The following ROBO1 variants were observed in gnomAD, a reference collection of about 807,000 sequenced individuals.
ROBO1 encodes the protein roundabout homolog 1.
Under a neutral mutation model 195.9 loss-of-function variants are expected in ROBO1, and 149 were observed. The observed-to-expected ratio is 0.76, with a 90% confidence interval of 0.67 to 0.87. The LOEUF (loss-of-function observed/expected upper bound fraction) is 0.87. Among genes scored for constraint, ROBO1 ranks in the 40% least tolerant of loss-of-function variants. The pLI is 0.00. For synonymous variants in ROBO1, 816 were observed against 733.2 expected, an observed-to-expected ratio of 1.11 and a Z score of -1.82; for missense variants, 1,933 against 2,068.3, an observed-to-expected ratio of 0.93 and a Z score of 1.27.
intron 4 of ROBO1, among the ~76,000 whole-genome samples, chr3:78,915,927 G>C (rs995568938): frequency 2.0e-5 from 3 of 152,140 alleles, no homozygotes; most frequent in African/African-American, 4.8e-5. Flanking sequence ...CAAAGTGCAA[G>C]TGCGAGAGCC....
chr3:78,731,064 T>C (rs1467787544), intron 5 of ROBO1, among the ~76,000 whole-genome samples: 2 of 152,146 alleles, frequency 1.3e-5, no homozygotes, highest in African/African-American at 2.4e-5. Context: ...TCTATTTCTA[T>C]AGTTATTGGT....
chr3:78,840,582 T>C (rs1425933126), intron 4 of ROBO1, among the ~76,000 whole-genome samples: 1 of 152,138 alleles, frequency 6.6e-6, no homozygotes, highest in Non-Finnish European at 1.5e-5. Flanking sequence ...CTAATAATCG[T>C]GCAAGGTTAC....
At chr3:79,712,435 G>A (rs1484535576) in intron 1 of ROBO1, among the ~76,000 whole-genome samples, 1 of 152,092 alleles carries the variant, frequency 6.6e-6, no homozygotes, top group Non-Finnish European at 1.5e-5. Flanking sequence ...CTAGAGCAAG[G>A]CTCTAACTCT....
intron 4 of ROBO1, among the ~76,000 whole-genome samples, chr3:78,824,745 G>T (rs550946528): frequency 2.6e-5 from 4 of 152,160 alleles, no homozygotes; most frequent in African/African-American, 9.6e-5. Context: ...TCATATTTTT[G>T]TAAGGATTGG....
intron 3 of ROBO1, among the ~76,000 whole-genome samples, chr3:79,106,910 T>C (rs2079791778): frequency 6.6e-6 from 1 of 151,698 alleles, no homozygotes; most frequent in Non-Finnish European, 1.5e-5. Flanking sequence ...TATTCCTCCC[T>C]ACTTATGTAT....
chr3:79,741,776 G>C (rs1703660127), intron 1 of ROBO1, among the ~76,000 whole-genome samples: 1 of 152,176 alleles, frequency 6.6e-6, no homozygotes, highest in African/African-American at 2.4e-5. Flanking sequence ...TGTGACAAAA[G>C]TGCTGATAGT....
intron 2 of ROBO1, among the ~76,000 whole-genome samples, chr3:79,570,700 A>C (rs1943250550): frequency 6.6e-6 from 1 of 152,192 alleles, no homozygotes; most frequent in African/African-American, 2.4e-5. Flanking sequence ...TCAGAAAAAC[A>C]ATCGTGCTGT....
intron 2 of ROBO1, among the ~76,000 whole-genome samples, chr3:79,567,507 T>C (rs1246902380): frequency 6.6e-6 from 1 of 152,190 alleles, no homozygotes; most frequent in Non-Finnish European, 1.5e-5. Context: ...ATTTTTGTTG[T>C]CTATTTGTGC....
intron 4 of ROBO1, among the ~76,000 whole-genome samples, chr3:78,782,963 T>C (rs1396668531): frequency 6.6e-6 from 1 of 152,218 alleles, no homozygotes; most frequent in African/African-American, 2.4e-5. Flanking sequence ...GTTATTGATT[T>C]CTATGTGCTG....
chr3:78,876,757 G>C (rs1215269787), intron 4 of ROBO1, among the ~76,000 whole-genome samples: 1 of 152,142 alleles, frequency 6.6e-6, no homozygotes, highest in Non-Finnish European at 1.5e-5. Context: ...ATACATCCTG[G>C]GAAAACTCTG....
intron 1 of ROBO1, among the ~76,000 whole-genome samples, chr3:79,593,562 G>A (rs1944070180): frequency 6.6e-6 from 1 of 151,654 alleles, no homozygotes; most frequent in African/African-American, 2.4e-5. Flanking sequence ...CTTTGGTGAG[G>A]TATTTGTTAA....
intron 3 of ROBO1, chr3:79,019,513 C>T (rs2078052883): frequency 1.0e-6 from 1 of 986,040 alleles, no homozygotes; most frequent in Non-Finnish European, 1.2e-6. Flanking sequence ...CCCTCTCCTC[C>T]CCGGCCCGAT....
intron 1 of ROBO1, among the ~76,000 whole-genome samples, chr3:79,690,112 A>C (rs2107069349): frequency 6.6e-6 from 1 of 152,000 alleles, no homozygotes; most frequent in South Asian, 2.1e-4. Flanking sequence ...ATCTTTACAA[A>C]AGTATTAGGA....
At chr3:78,652,400 T>TA (rs910387067) in intron 18 of ROBO1, among the ~76,000 whole-genome samples, 5 of 151,316 alleles carry the variant, frequency 3.3e-5, no homozygotes, top group South Asian at 2.1e-4. Context: ...TAGTATGTTC[T>TA]AAAAAAAAAG....
At chr3:79,142,725 G>A (rs1029256180) in intron 2 of ROBO1, among the ~76,000 whole-genome samples, 81 of 151,962 alleles carry the variant, frequency 5.3e-4, no homozygotes, top group African/African-American at 1.9e-3. Flanking sequence ...ATTGGCCTTT[G>A]GTTACCACTT....
chr3:78,638,326 C>T (rs1370467987), intron 22 of ROBO1, among the ~76,000 whole-genome samples: 1 of 149,918 alleles, frequency 6.7e-6, no homozygotes, highest in Admixed American at 6.7e-5. Flanking sequence ...TATATATATA[C>T]ACACACACTT....
chr3:78,704,874 A>C (rs193213521), intron 8 of ROBO1, among the ~76,000 whole-genome samples: 38 of 152,282 alleles, frequency 2.5e-4, no homozygotes, highest in Admixed American at 2.2e-3. Flanking sequence ...ACAGTATGTT[A>C]CATTAAGATT....
At chr3:78,767,454 C>T (rs2083259522) in intron 4 of ROBO1, among the ~76,000 whole-genome samples, 2 of 151,892 alleles carry the variant, frequency 1.3e-5, no homozygotes, top group Admixed American at 6.6e-5. Flanking sequence ...TTGGTAGAGA[C>T]GAGGTTTCAC....
intron 3 of ROBO1, among the ~76,000 whole-genome samples, chr3:79,100,969 A>G (rs1396864621): frequency 6.6e-6 from 1 of 151,790 alleles, no homozygotes; most frequent in African/African-American, 2.4e-5. Flanking sequence ...TGTTATTAGT[A>G]CCTATGGCAA....
Sources: allele counts gnomAD v4.1 joint callset (sites outside exome capture counted in the v4.1 genomes callset), GRCh38; gene constraint gnomAD v4.1.1; transcripts MANE v1.5; gene names NCBI Gene and HGNC (gene_info 2026-07-23, HGNC 2026-07-21).